PRKN: variants seen among roughly 807,000 people sequenced by gnomAD.
PRKN encodes E3 ubiquitin-protein ligase parkin.
PRKN carries 56 observed loss-of-function variants against 59.5 expected under a neutral mutation model. The observed-to-expected ratio is 0.94, with a 90% CI of 0.76 to 1.18. PRKN has a LOEUF of 1.18. Ranked by LOEUF, PRKN falls within the 50% of genes most tolerant of loss-of-function variation. PRKN has a pLI of 0.00. For synonymous variants in PRKN, 250 were observed against 222.1 expected (o/e 1.13, Z -1.12); for missense variants, 657 against 596.4 (o/e 1.10, Z -1.06).
At chr6:162,402,733 G>A (rs945075826) in intron 2 of PRKN, among the ~76,000 whole-genome samples, 8 of 150,802 alleles carry the variant, frequency 5.3e-5, no homozygotes, top group Non-Finnish European at 7.4e-5. Context: ...ACAGCTCACC[G>A]AAGCCTGAAG....
intron 2 of PRKN, among the ~76,000 whole-genome samples, chr6:162,363,419 CCTGTAT>C (rs2128134589): frequency 6.6e-6 from 1 of 152,244 alleles, no homozygotes; most frequent in East Asian, 1.9e-4. Context: ...CATCGAGGTA[CCTGTAT>C]TTAATATACC....
chr6:161,607,570 T>C (rs1004768916), intron 7 of PRKN, among the ~76,000 whole-genome samples: 5 of 152,222 alleles, frequency 3.3e-5, no homozygotes, highest in Admixed American at 3.3e-4. Flanking sequence ...ATTTAGTCAG[T>C]TTGGAAAACA....
At position 161,554,614 on chromosome 6, in the gene PRKN, T is replaced by TA. The variant is rs775771760; in HGVS notation, c.934-5612dup. Among the ~76,000 whole-genome samples, 7 of 151,796 alleles carry TA rather than the reference T, an allele frequency of 4.6e-5. No individual in the cohort carries two copies. The highest frequency in any genetic ancestry group is 2.0e-4 in the Admixed American group (3 of 15,210). On this transcript the variant is annotated intron_variant, in intron 8 of 11. Transcript: ENST00000366898. The surrounding 1 kb of genome is among the most constrained non-coding windows in gnomAD (Gnocchi z 4.5). ...ATTCTTGATAATGAGTTTGGCTGCA[T>TA]AAAAAATCTTTATATTATACATAAA...
chr6:161,367,552 T>C (rs917230021), intron 10 of PRKN, among the ~76,000 whole-genome samples: 1 of 152,096 alleles, frequency 6.6e-6, no homozygotes. Flanking sequence ...AGTTCTGTTA[T>C]CTAACTTAGA....
intron 6 of PRKN, among the ~76,000 whole-genome samples, chr6:161,892,971 T>C (rs1166707060): frequency 2.0e-5 from 3 of 152,064 alleles, no homozygotes; most frequent in Non-Finnish European, 2.9e-5. Context: ...GCCTCCCGAG[T>C]AGCTGGGATA....
At chr6:161,953,885 C>G (rs77532906) in intron 6 of PRKN, among the ~76,000 whole-genome samples, 4,713 of 152,208 alleles carry the variant, frequency 0.031, 247 homozygotes, top group African/African-American at 0.11. Context: ...TGGGGCGCAC[C>G]TAGGAATACA....
At chr6:161,522,044 T>C (rs1048003845) in intron 9 of PRKN, among the ~76,000 whole-genome samples, 3 of 152,278 alleles carry the variant, frequency 2.0e-5, no homozygotes, top group African/African-American at 7.2e-5. Context: ...AGAACGGATG[T>C]GGACGGCGAA....
intron 4 of PRKN, among the ~76,000 whole-genome samples, chr6:162,102,950 GGAGAATGGC>G (rs1562514866): frequency 6.6e-6 from 1 of 151,590 alleles, no homozygotes; most frequent in Admixed American, 6.6e-5. Flanking sequence ...GGCTGAGGCA[GGAGAATGGC>G]GTGAACCCGG....
chr6:162,297,077 A>C (rs553058776), intron 2 of PRKN, among the ~76,000 whole-genome samples: 1 of 152,222 alleles, frequency 6.6e-6, no homozygotes, highest in African/African-American at 2.4e-5. Flanking sequence ...ATTAATCCCC[A>C]TGATTTCATG....
intron 1 of PRKN, among the ~76,000 whole-genome samples, chr6:162,528,068 C>T (rs950401286): frequency 1.1e-4 from 9 of 82,926 alleles, no homozygotes; most frequent in African/African-American, 7.2e-4. Context: ...CGGGGGAGGG[C>T]GGGGGGGCGG....
intron 6 of PRKN, among the ~76,000 whole-genome samples, chr6:161,802,925 A>G (rs1301544896): frequency 1.3e-5 from 2 of 152,170 alleles, no homozygotes; most frequent in African/African-American, 2.4e-5. Context: ...CATTTTGGCC[A>G]TATAATTACT....
chr6:162,250,243 A>G (rs151309044), intron 3 of PRKN, among the ~76,000 whole-genome samples: 2 of 152,286 alleles, frequency 1.3e-5, no homozygotes, highest in East Asian at 3.9e-4. Context: ...AATGGGCCAA[A>G]TAGACAACTA....
intron 7 of PRKN, among the ~76,000 whole-genome samples, chr6:161,661,880 G>A (rs920829364): frequency 2.0e-5 from 3 of 151,978 alleles, no homozygotes; most frequent in Non-Finnish European, 4.4e-5. Context: ...AAAATTAGCC[G>A]GGTGTGGTGG....
chr6:162,212,027 T>C (rs1785220224), intron 3 of PRKN, among the ~76,000 whole-genome samples: 1 of 152,154 alleles, frequency 6.6e-6, no homozygotes, highest in South Asian at 2.1e-4. Flanking sequence ...CATATTGTTC[T>C]AAAAGTCTGC....
At chr6:162,587,847 T>C (rs1230544636) in intron 1 of PRKN, among the ~76,000 whole-genome samples, 2 of 152,118 alleles carry the variant, frequency 1.3e-5, no homozygotes, top group Non-Finnish European at 2.9e-5. Context: ...TCATTTGAAT[T>C]ATCATGCAGA....
At chr6:162,671,559 GC>G (rs1454947889) in intron 1 of PRKN, among the ~76,000 whole-genome samples, 7 of 150,736 alleles carry the variant, frequency 4.6e-5, no homozygotes, top group Non-Finnish European at 1.0e-4. Context: ...ATCCCTCAGG[GC>G]TACAAATTAC....
chr6:162,370,943 C>A (rs1271203000), intron 2 of PRKN, among the ~76,000 whole-genome samples: 1 of 152,202 alleles, frequency 6.6e-6, no homozygotes, highest in Admixed American at 6.5e-5. Flanking sequence ...CTACTCAGAA[C>A]TTATGAGCCA....
chr6:161,520,630 C>T (rs1191692812), intron 9 of PRKN, among the ~76,000 whole-genome samples: 4 of 152,194 alleles, frequency 2.6e-5, no homozygotes, highest in Admixed American at 6.5e-5. Context: ...AAAGAGGATA[C>T]AGCTAAAGAT....
intron 4 of PRKN, among the ~76,000 whole-genome samples, chr6:162,182,390 G>C (rs1436882692): frequency 6.6e-6 from 1 of 152,156 alleles, no homozygotes. Flanking sequence ...ACGTAGAAGC[G>C]TCTCAGCCTG....
Sources: allele counts gnomAD v4.1 joint callset (sites outside exome capture counted in the v4.1 genomes callset), GRCh38; gene constraint gnomAD v4.1.1; non-coding constraint Gnocchi (gnomAD v3.1); transcripts MANE v1.5; gene names NCBI Gene and HGNC (gene_info 2026-07-23, HGNC 2026-07-21).